The following GABRA4 variants were observed in gnomAD, a reference collection of about 807,000 sequenced individuals.
The protein encoded by GABRA4 is gamma-aminobutyric acid receptor subunit alpha-4.
Under a neutral mutation model 49.7 loss-of-function variants are expected in GABRA4, and 12 were observed. The ratio of observed to expected loss-of-function variants is 0.24; its 90% confidence interval spans 0.15 to 0.39. GABRA4 has a LOEUF of 0.39. Ranked by LOEUF, GABRA4 falls within the 10% of genes least tolerant of loss-of-function variation. The probability of loss-of-function intolerance (pLI) is 1.00; values close to 1 mark genes in which losing one functional copy is unlikely to be tolerated. For missense variants in GABRA4, 506 were observed against 686.0 expected (o/e 0.74, Z 2.93); for synonymous variants, 288 against 240.2 (o/e 1.20, Z -1.84).
At chr4:46,929,161 T>C (rs1721342476) in intron 8 of GABRA4, among the ~76,000 whole-genome samples, 1 of 151,954 alleles carries the variant, frequency 6.6e-6, no homozygotes, top group Non-Finnish European at 1.5e-5. Context: ...GTTTTCTATG[T>C]GTTTGTTTTA....
At chr4:46,936,494 C>A (rs1721608051) in intron 8 of GABRA4, among the ~76,000 whole-genome samples, 1 of 152,134 alleles carries the variant, frequency 6.6e-6, no homozygotes, top group Non-Finnish European at 1.5e-5. Flanking sequence ...AGGTGATCCG[C>A]CCACCTCGGC....
chr4:46,991,125 G>T (rs775159135), intron 2 of GABRA4, among the ~76,000 whole-genome samples: 2 of 152,164 alleles, frequency 1.3e-5, no homozygotes, highest in Non-Finnish European at 2.9e-5. Flanking sequence ...GCCAGGGGTT[G>T]CAGTGAGCCG....
intron 8 of GABRA4, among the ~76,000 whole-genome samples, chr4:46,963,904 A>G (rs148526771): frequency 2.0e-4 from 30 of 151,982 alleles, no homozygotes; most frequent in Non-Finnish European, 3.8e-4. Flanking sequence ...CAATTCCACT[A>G]CTGGGTGTAT....
intron 8 of GABRA4, among the ~76,000 whole-genome samples, chr4:46,953,726 G>C (rs945754680): frequency 2.7e-4 from 41 of 152,020 alleles, no homozygotes; most frequent in Non-Finnish European, 5.1e-4. Flanking sequence ...ACTGACTAAG[G>C]GTATGGCTTG....
intron 8 of GABRA4, among the ~76,000 whole-genome samples, chr4:46,942,140 G>A (rs1417171013): frequency 3.3e-5 from 5 of 152,040 alleles, no homozygotes; most frequent in African/African-American, 1.2e-4. Flanking sequence ...ACCTATTTAT[G>A]TTCCAGGCAT....
chr4:46,942,297 A>T (rs748901513), intron 8 of GABRA4, among the ~76,000 whole-genome samples: 2 of 152,098 alleles, frequency 1.3e-5, no homozygotes, highest in African/African-American at 2.4e-5. Flanking sequence ...ATAGTCTACA[A>T]TTATGGTTTC....
In GABRA4 at chr4:46,974,387, C is replaced by T; in HGVS notation, c.578-12G>A. 1 of 1,605,142 alleles carries T rather than the reference C, an allele frequency of 6.2e-7. No individual in the cohort carries two copies. Among genetic ancestry groups the T allele is most frequent in the Non-Finnish European group, 8.5e-7 (1 of 1,175,336 alleles). ...CTTTGGATAGGCATCTAAAAGAGAG[C>T]ACAGAATGTGGTTAGAGTCAATGCT... On this transcript the variant is annotated splice_polypyrimidine_tract_variant and intron_variant, in intron 5 of 8. Transcript: ENST00000264318.
chr4:46,992,002 G>T (rs1425901598), intron 2 of GABRA4, among the ~76,000 whole-genome samples: 1 of 152,270 alleles, frequency 6.6e-6, no homozygotes, highest in Non-Finnish European at 1.5e-5. Context: ...ACCTATGAAT[G>T]GGACCCTAGC....
At chr4:46,946,004 G>A (rs1002197564) in intron 8 of GABRA4, among the ~76,000 whole-genome samples, 6 of 152,204 alleles carry the variant, frequency 3.9e-5, no homozygotes, top group African/African-American at 1.4e-4. Flanking sequence ...GGGAAGAGCT[G>A]ACTGTTGAAC....
Position 46,925,498 on chromosome 4 carries a change from T to A in GABRA4, c.*2727A>T, listed in dbSNP as rs561866022. On this transcript the variant is annotated 3_prime_UTR_variant, in exon 9 of 9. Coordinates refer to ENST00000264318, the MANE Select transcript of GABRA4 (RefSeq NM_000809.4). ...TAAAAGAGTTATATAAAGGTACCAT[T>A]CTCAGCCAAAATTATTCATTATTAT... 1.3e-5 allele frequency: 2 copies of A among 151,874 alleles called. No homozygotes were observed. Among genetic ancestry groups the A allele is most frequent in the East Asian group, 3.9e-4 (2 of 5,160 alleles). The allele number at this position is 151,874 out of a possible 1,614,324, so 9.4% of individuals were successfully genotyped here.
At chr4:46,943,004 T>C (rs1342192518) in intron 8 of GABRA4, among the ~76,000 whole-genome samples, 2 of 152,148 alleles carry the variant, frequency 1.3e-5, no homozygotes, top group Non-Finnish European at 2.9e-5. Context: ...TTAATTTATT[T>C]ATTCATCTAT....
At position 46,920,854 on chromosome 4, in the gene GABRA4, A is replaced by G. The variant is rs1207725064; in HGVS notation, c.*7371T>C. 2 of 151,892 alleles carry G rather than the reference A, an allele frequency of 1.3e-5. No homozygotes were observed. The highest frequency in any genetic ancestry group is 3.0e-5 in the Non-Finnish European group (2 of 67,776). 9.4% of individuals were successfully genotyped at this position (151,892 alleles called of 1,614,324 possible). On this transcript the variant is annotated 3_prime_UTR_variant, in exon 9 of 9. Transcript: ENST00000264318. ...GTTTTAAATCTTAGTGTTAATATAG[A>G]ATATATTTAATTTATCCTTTACTAC...
intron 8 of GABRA4, 26 bp from the exon 9 acceptor site, chr4:46,928,781 T>C (rs1309739702): frequency 4.0e-6 from 6 of 1,495,480 alleles, no homozygotes; most frequent in Non-Finnish European, 5.5e-6. Flanking sequence ...AAAAAATATA[T>C]TGGTTATGTA....
At position 46,921,657 on chromosome 4, in the gene GABRA4, G is replaced by T. The variant is rs1255565985; in HGVS notation, c.*6568C>A. On this transcript the variant is annotated 3_prime_UTR_variant, in exon 9 of 9. Transcript: ENST00000264318. ...AGCTCTGGTGGTCATATCAGTAAAA[G>T]ATACTCTGGTCAATCCCTGGTCTAT... is the stretch of plus-strand genomic sequence containing the variant. 1 of 151,884 alleles carries T rather than the reference G, an allele frequency of 6.6e-6. No individual in the cohort carries two copies. Among genetic ancestry groups the T allele is most frequent in the East Asian group, 1.9e-4 (1 of 5,174 alleles). The allele number at this position is 151,884 out of a possible 1,614,324, so 9.4% of individuals were successfully genotyped here.
chr4:46,976,459 A>G (rs534176168), intron 5 of GABRA4, among the ~76,000 whole-genome samples: 1 of 151,036 alleles, frequency 6.6e-6, no homozygotes, highest in Admixed American at 6.6e-5. Context: ...GCTTTTAGAT[A>G]GAATCCAAAC....
At chr4:46,952,592 C>G (rs755739355) in intron 8 of GABRA4, among the ~76,000 whole-genome samples, 5 of 151,956 alleles carry the variant, frequency 3.3e-5, no homozygotes, top group Non-Finnish European at 7.4e-5. Context: ...GGAGATTTAG[C>G]GATGTATATT....
Position 46,922,714 on chromosome 4 carries a change from T to C in GABRA4, c.*5511A>G, listed in dbSNP as rs1316013736. 3 of 152,104 alleles carry C rather than the reference T, an allele frequency of 2.0e-5. No individual in the cohort carries two copies. The highest frequency in any genetic ancestry group is 7.2e-5 in the African/African-American group (3 of 41,428). 9.4% of individuals were successfully genotyped at this position (152,104 alleles called of 1,614,324 possible). On this transcript the variant is annotated 3_prime_UTR_variant, in exon 9 of 9. Transcript: ENST00000264318. The stretch of plus-strand genomic sequence containing the variant: ...CAATGGAAAACAAAATTAACCATTA[T>C]GAAGTTGAAAAGTACATTGGAAGTT...
intron 8 of GABRA4, among the ~76,000 whole-genome samples, chr4:46,954,715 G>A (rs111946684): frequency 2.7e-4 from 41 of 152,166 alleles, no homozygotes; most frequent in African/African-American, 9.4e-4. Context: ...CTAAGTATTA[G>A]GTTGTGTGAT....
At chr4:46,989,921 G>A (rs1209772877) in intron 2 of GABRA4, among the ~76,000 whole-genome samples, 1 of 152,196 alleles carries the variant, frequency 6.6e-6, no homozygotes, top group Non-Finnish European at 1.5e-5. Context: ...TGGTATCTAA[G>A]AGTCTGTGCT....
Sources: gnomAD v4.1 joint callset for allele counts (sites outside exome capture counted in the v4.1 genomes callset) on GRCh38, gnomAD v4.1.1 for gene constraint, MANE v1.5 for transcripts, NCBI Gene and HGNC (gene_info 2026-07-23, HGNC 2026-07-21) for gene names.